ZNF722: variants seen among roughly 807,000 people sequenced by gnomAD.
ZNF722 encodes zinc finger protein 722.
chr7:64,003,733 A>G, the ZNF722 span, among the ~76,000 whole-genome samples: 40 of 152,334 alleles, frequency 2.6e-4, no homozygotes, highest in East Asian at 7.7e-3. Context: ...CTTGTATACC[A>G]TGCAGAATTC....
the ZNF722 span, among the ~76,000 whole-genome samples, chr7:64,006,006 T>C: frequency 2.0e-5 from 3 of 152,180 alleles, no homozygotes; most frequent in Non-Finnish European, 4.4e-5. Flanking sequence ...CGCCTTAGAA[T>C]TCAGTTGCCA....
chr7:64,008,902 T>C, the ZNF722 span, among the ~76,000 whole-genome samples: 498 of 152,340 alleles, frequency 3.3e-3, 1 homozygote, highest in African/African-American at 0.011. Context: ...CATTTGTTTG[T>C]GTCCTCTTTT....
the ZNF722 span, among the ~76,000 whole-genome samples, chr7:63,999,705 A>G: frequency 1.3e-5 from 2 of 151,898 alleles, no homozygotes; most frequent in African/African-American, 2.4e-5. Context: ...GTATTTGTTT[A>G]TTTATTTTTT....
the ZNF722 span, among the ~76,000 whole-genome samples, chr7:64,014,842 T>G: frequency 7.2e-5 from 11 of 152,220 alleles, no homozygotes; most frequent in African/African-American, 2.7e-4. Context: ...TCTATAAATT[T>G]CCAACAAAGG....
chr7:64,002,975 A>C, the ZNF722 span, among the ~76,000 whole-genome samples: 9 of 152,220 alleles, frequency 5.9e-5, no homozygotes, highest in Non-Finnish European at 1.0e-4. Flanking sequence ...AAGCACAGTC[A>C]GCATTTACAG....
At chr7:64,000,988 G>A in the ZNF722 span, among the ~76,000 whole-genome samples, 4 of 151,856 alleles carry the variant, frequency 2.6e-5, no homozygotes, top group African/African-American at 7.3e-5. Context: ...TGTTGGACAG[G>A]TTGGTCTTGA....
the ZNF722 span, among the ~76,000 whole-genome samples, chr7:64,001,537 C>T: frequency 3.3e-5 from 5 of 152,114 alleles, no homozygotes; most frequent in South Asian, 2.1e-4. Context: ...TATTGTGAAT[C>T]GTGCTGTAAT....
At chr7:64,007,783 G>A in the ZNF722 span, among the ~76,000 whole-genome samples, 2 of 152,136 alleles carry the variant, frequency 1.3e-5, no homozygotes, top group Non-Finnish European at 2.9e-5. Context: ...GGATCAAATG[G>A]TATTTCTAGT....
the ZNF722 span, among the ~76,000 whole-genome samples, chr7:64,004,231 T>C: frequency 6.8e-6 from 1 of 147,168 alleles, no homozygotes; most frequent in Non-Finnish European, 1.5e-5. Flanking sequence ...TAAAACCCCG[T>C]CTCTACGGAA....
the ZNF722 span, among the ~76,000 whole-genome samples, chr7:64,010,890 G>T: frequency 4.6e-5 from 7 of 152,106 alleles, no homozygotes; most frequent in African/African-American, 1.7e-4. Flanking sequence ...TCTCTTTGTA[G>T]GTCTCTAAGG....
chr7:64,000,129 TTTTTGTGTG>T, the ZNF722 span, among the ~76,000 whole-genome samples: 1 of 74,334 alleles, frequency 1.3e-5, no homozygotes, highest in Admixed American at 1.5e-4. Flanking sequence ...CTTTTTTTTT[TTTTTGTGTG>T]TGTGTGTGTG....
At chr7:63,999,411 C>G in the ZNF722 span, among the ~76,000 whole-genome samples, 1 of 152,080 alleles carries the variant, frequency 6.6e-6, no homozygotes, top group Non-Finnish European at 1.5e-5. Context: ...ATGGGAGTCA[C>G]TGTAAAAATA....
chr7:64,015,203 G>C, the ZNF722 span: 46 of 1,284,142 alleles, frequency 3.6e-5, no homozygotes, highest in East Asian at 8.1e-4. Context: ...ATGAAGTTAA[G>C]CAATGTTTGT....
chr7:64,011,840 G>A, the ZNF722 span, among the ~76,000 whole-genome samples: 2 of 152,150 alleles, frequency 1.3e-5, no homozygotes, highest in African/African-American at 4.8e-5. Context: ...ATCCTACAGA[G>A]TATTTTCCAG....
chr7:64,015,404 C>G, the ZNF722 span: 1 of 1,557,208 alleles, frequency 6.4e-7, no homozygotes, highest in Non-Finnish European at 8.8e-7. Context: ...AGAAGTCCTA[C>G]AAATGTGAAG....
At chr7:64,010,048 C>G in the ZNF722 span, among the ~76,000 whole-genome samples, 1 of 152,092 alleles carries the variant, frequency 6.6e-6, no homozygotes, top group East Asian at 1.9e-4. Context: ...TTATAGTATT[C>G]TCTGATGGTA....
chr7:64,000,436 C>CTTTTTTTTTTTTTTTTTTTTTTTT, the ZNF722 span, among the ~76,000 whole-genome samples: 2 of 23,674 alleles, frequency 8.4e-5, 1 homozygote, highest in Non-Finnish European at 1.4e-4. Flanking sequence ...CATGCCCGGC[C>CTTTTTTTTTTTTTTTTTTTTTTTT]TTTTTTTTTT....
chr7:64,004,425 A>AAAATATATATATATATAT, the ZNF722 span, among the ~76,000 whole-genome samples: 1 of 61,120 alleles, frequency 1.6e-5, no homozygotes, highest in African/African-American at 8.0e-5. Context: ...AAAAAAAAAA[A>AAAATATATATATATATAT]ATATATATAT....
At chr7:64,000,543 C>T in the ZNF722 span, among the ~76,000 whole-genome samples, 5 of 135,114 alleles carry the variant, frequency 3.7e-5, no homozygotes, top group Admixed American at 3.4e-4. Flanking sequence ...CTCTGGCTTT[C>T]GGGTTCAAGT....
Sources: allele counts gnomAD v4.1 joint callset (sites outside exome capture counted in the v4.1 genomes callset), GRCh38; gene constraint gnomAD v4.1.1; transcripts MANE v1.5; gene names NCBI Gene and HGNC (gene_info 2026-07-23, HGNC 2026-07-21).